Variants in CCDC30 observed in about 807,000 individuals in gnomAD.
CCDC30 encodes the protein coiled-coil domain containing 30.
Under a neutral mutation model 100.2 loss-of-function variants are expected in CCDC30, and 70 were observed. The ratio of observed to expected loss-of-function variants is 0.70; its 90% confidence interval spans 0.58 to 0.85. CCDC30 has a LOEUF of 0.85. Ranked by LOEUF, CCDC30 falls within the 40% of genes least tolerant of loss-of-function variation. The pLI is 0.00. For missense variants in CCDC30, 652 were observed against 771.2 expected (o/e 0.85, Z 1.83); for synonymous variants, 233 against 269.5 (o/e 0.86, Z 1.33).
intron 2 of CCDC30, among the ~76,000 whole-genome samples, chr1:42,481,147 CA>C (rs111507528): frequency 0.014 from 2,161 of 150,804 alleles, 50 homozygotes; most frequent in African/African-American, 0.05. Context: ...TAAGAATTAT[CA>C]AATTATGCAT....
chr1:42,625,397 C>A (rs1010234520), intron 11 of CCDC30, among the ~76,000 whole-genome samples: 1 of 151,740 alleles, frequency 6.6e-6, no homozygotes, highest in Non-Finnish European at 1.5e-5. Flanking sequence ...TTTATGATTT[C>A]TTTTCTTCTA....
At chr1:42,469,028 A>G (rs1241545061) in intron 1 of CCDC30, among the ~76,000 whole-genome samples, 4 of 152,128 alleles carry the variant, frequency 2.6e-5, no homozygotes, top group African/African-American at 9.7e-5. Context: ...AATTAAAAAA[A>G]AAAAAACTTT....
Position 42,542,543 on chromosome 1 carries a change from T to TTTTTTTC in CCDC30, c.457-23747_457-23746insCTTTTTT, listed in dbSNP as rs1221265548. On this transcript the variant is annotated intron_variant, in intron 6 of 16. Coordinates refer to ENST00000668663, the Ensembl canonical transcript of CCDC30. ...CCTGGCTAATTTTAAATTTTTCTTT[T>TTTTTTTC]TTTTTTTTTTTTTTTTTTGAGACGG... Among the ~76,000 whole-genome samples the TTTTTTTC allele has an allele frequency of 6.6e-3, 620 of 94,470 alleles. 40 individuals carry two copies. The highest frequency in any genetic ancestry group is 0.01 in the Non-Finnish European group (428 of 42,208). The allele number at this position is 94,470 out of a possible 152,430, so 62.0% of individuals were successfully genotyped here.
upstream of CCDC30, among the ~76,000 whole-genome samples, chr1:42,462,173 A>G (rs942946639): frequency 3.3e-5 from 5 of 152,218 alleles, no homozygotes; most frequent in East Asian, 9.6e-4. Flanking sequence ...AGTTTAATTT[A>G]TATTCAGAGC....
At position 42,596,849 on chromosome 1, in the gene CCDC30, CTG is replaced by C. The variant is rs1173320075; in HGVS notation, c.1164+7369_1164+7370del. On this transcript the variant is annotated intron_variant, in intron 10 of 16. Coordinates refer to ENST00000668663, the Ensembl canonical transcript of CCDC30. This position sits in a 1 kb window ranked among gnomAD's most constrained non-coding sequence, Gnocchi z 4.3. ...TTATCAGACCAGAAATTGAAAATAACTGTGATTAATGTGCTAAGGGCTCTAAG... is the reference window on the plus strand; with the variant it reads ...TTATCAGACCAGAAATTGAAAATAACTGATTAATGTGCTAAGGGCTCTAAG... Among the ~76,000 whole-genome samples the C allele has an allele frequency of 6.6e-6, 1 of 152,004 alleles. No individual in the cohort carries two copies. Among genetic ancestry groups the C allele is most frequent in the African/African-American group, 2.4e-5 (1 of 41,394 alleles).
At chr1:42,468,174 A>G (rs1643651563) in intron 1 of CCDC30, among the ~76,000 whole-genome samples, 2 of 152,248 alleles carry the variant, frequency 1.3e-5, no homozygotes, top group Non-Finnish European at 2.9e-5. Flanking sequence ...GCCCAAAATA[A>G]TAATGCGTTG....
At chr1:42,644,652 C>A in intron 13 of CCDC30, 41 bp from the exon 18 acceptor site, 1 of 1,253,772 alleles carries the variant, frequency 8.0e-7, no homozygotes, top group Non-Finnish European at 1.2e-6. Context: ...AGTAATGATA[C>A]AGAAATCTCT....
intron 11 of CCDC30, among the ~76,000 whole-genome samples, chr1:42,627,984 G>T (rs1646964324): frequency 6.6e-6 from 1 of 152,168 alleles, no homozygotes; most frequent in African/African-American, 2.4e-5. Context: ...CAGAATGGTA[G>T]ATCCACTGGC....
intron 6 of CCDC30, among the ~76,000 whole-genome samples, chr1:42,513,622 G>A (rs1217585059): frequency 1.3e-5 from 2 of 152,094 alleles, no homozygotes; most frequent in Non-Finnish European, 2.9e-5. Context: ...ACTGCTCTTT[G>A]TTAGAAAAGA....
intron 14 of CCDC30, 114 bp downstream of exon 18, chr1:42,644,921 C>A: frequency 1.5e-6 from 1 of 674,634 alleles, no homozygotes; most frequent in Non-Finnish European, 2.6e-6. Context: ...CTCTTGGCCT[C>A]ATGGTAGGCT....
chr1:42,498,416 A>G (rs757064032), intron 5 of CCDC30, among the ~76,000 whole-genome samples: 2 of 152,208 alleles, frequency 1.3e-5, no homozygotes, highest in African/African-American at 2.4e-5. Context: ...ATGATGCTTA[A>G]TGCCACTGAA....
rs528091330 is a variant in CCDC30 at position 42,639,725 on chromosome 1, G to A, written c.1419+2347G>A. On this transcript the variant is annotated intron_variant, in intron 12 of 16. Transcript: ENST00000668663. ...CCTTACATACACAAGGCTTTTGTGA[G>A]TATTAAAACATACAATTTCTAAAGT... is the stretch of plus-strand genomic sequence containing the variant. 1.7e-4 allele frequency among the ~76,000 whole-genome samples: 26 copies of A among 152,294 alleles called. No individual in the cohort carries two copies. In the South Asian group the frequency reaches 4.6e-3, roughly 27 times the overall value.
At chr1:42,585,636 A>G (rs892284162) in intron 9 of CCDC30, among the ~76,000 whole-genome samples, 2 of 151,986 alleles carry the variant, frequency 1.3e-5, no homozygotes, top group South Asian at 2.1e-4. Flanking sequence ...GAAAGCTTAG[A>G]TTACTGATTT....
At position 42,596,093 on chromosome 1, in the gene CCDC30, C is replaced by A; in HGVS notation, c.1164+6610C>A. Reference sequence around the variant, plus strand: ...GAGGTCACAGTCCAAACCGCTACCCCGAAAATTAGAGATACCTATAGACAA... The same window carrying A: ...GAGGTCACAGTCCAAACCGCTACCCAGAAAATTAGAGATACCTATAGACAA... On this transcript the variant is annotated intron_variant, in intron 10 of 16. Transcript: ENST00000668663. The surrounding 1 kb of genome is among the most constrained non-coding windows in gnomAD (Gnocchi z 4.3). Among the ~76,000 whole-genome samples the A allele has an allele frequency of 6.6e-6, 1 of 152,128 alleles. No individual in the cohort carries two copies. The highest frequency in any genetic ancestry group is 2.1e-4 in the South Asian group (1 of 4,836).
intron 11 of CCDC30, among the ~76,000 whole-genome samples, chr1:42,635,638 T>A (rs1647137777): frequency 6.6e-6 from 1 of 151,722 alleles, no homozygotes; most frequent in African/African-American, 2.4e-5. Context: ...TGAAACCCCG[T>A]CTCTACTAAA....
Position 42,610,963 on chromosome 1 carries a change from T to A in CCDC30, c.1165-15T>A. 1 of 1,397,346 alleles carries A rather than the reference T, an allele frequency of 7.2e-7. No individual in the cohort carries two copies. The allele number at this position is 1,397,346 out of a possible 1,614,324, so 86.6% of individuals were successfully genotyped here. A position where few individuals can be genotyped will look rare whatever the true frequency, so the allele number is the denominator to read the frequency against. ...TGTCAGGTCAGAGTTCTCATTATTTTTCAATGTTTTTCAGCATGTCAAAAG... is the reference window on the plus strand; with the variant it reads ...TGTCAGGTCAGAGTTCTCATTATTTATCAATGTTTTTCAGCATGTCAAAAG... On this transcript the variant is annotated splice_polypyrimidine_tract_variant and intron_variant, in intron 10 of 16. Coordinates refer to ENST00000668663, the Ensembl canonical transcript of CCDC30.
intron 6 of CCDC30, among the ~76,000 whole-genome samples, chr1:42,541,137 G>T (rs918740910): frequency 6.6e-6 from 1 of 152,182 alleles, no homozygotes; most frequent in African/African-American, 2.4e-5. Flanking sequence ...GGAAATCAAA[G>T]ATCAAGATGT....
chr1:42,461,333 T>C (rs1174234738), upstream of CCDC30, among the ~76,000 whole-genome samples: 2 of 152,122 alleles, frequency 1.3e-5, no homozygotes, highest in Non-Finnish European at 2.9e-5. Flanking sequence ...AGCAGTCCCT[T>C]TGAACAAAAA....
At chr1:42,554,926 T>C (rs1212507711) in intron 6 of CCDC30, among the ~76,000 whole-genome samples, 1 of 152,122 alleles carries the variant, frequency 6.6e-6, no homozygotes, top group Admixed American at 6.6e-5. Flanking sequence ...TGTGTCTGTA[T>C]CCTCACCACA....
Sources: allele counts gnomAD v4.1 joint callset (sites outside exome capture counted in the v4.1 genomes callset), GRCh38; gene constraint gnomAD v4.1.1; non-coding constraint Gnocchi (gnomAD v3.1); transcripts MANE v1.5; gene names NCBI Gene and HGNC (gene_info 2026-07-23, HGNC 2026-07-21).